The following RILPL2 variants were observed in gnomAD, a reference collection of about 807,000 sequenced individuals.
RILPL2 encodes RILP-like protein 2.
A neutral mutation model predicts 22.2 loss-of-function variants in RILPL2; 19 were observed. The observed-to-expected ratio is 0.86, with a 90% confidence interval of 0.60 to 1.25. The LOEUF is 1.25. RILPL2 is among the 50% of genes most tolerant of loss of function. RILPL2 has a pLI of 0.00. For missense variants in RILPL2, 243 were observed against 263.6 expected (o/e 0.92, Z 0.54); for synonymous variants, 123 against 111.6 (o/e 1.10, Z -0.64).
At chr12:123,431,084 T>C (rs1382340604) in intron 1 of RILPL2, among the ~76,000 whole-genome samples, 1 of 152,186 alleles carries the variant, frequency 6.6e-6, no homozygotes, top group African/African-American at 2.4e-5. Flanking sequence ...CTTCATGTGA[T>C]CCGCCTGCCT....
At chr12:123,416,498 G>C (rs1015503080) in intron 3 of RILPL2, among the ~76,000 whole-genome samples, 1 of 151,910 alleles carries the variant, frequency 6.6e-6, no homozygotes, top group African/African-American at 2.4e-5. Context: ...AATTAGCCGG[G>C]TGTGGTGGCG....
intron 2 of RILPL2, among the ~76,000 whole-genome samples, chr12:123,430,099 C>CA (rs59871132): frequency 0.81 from 15,167 of 18,778 alleles, 7,117 homozygotes; most frequent in Non-Finnish European, 0.87. Context: ...GTGAGACCCT[C>CA]AAAAAAAAAA....
chr12:123,430,633 C>T lies in RILPL2; in HGVS notation c.366G>A (p.Val122=). The change falls in exon 2 of 4, where the codon GTG becomes GTA. Residue 122 remains valine (V), a synonymous_variant. Transcript: ENST00000280571. ...GTCGGTTGGGATCTGTCAGGTCAAC[C>T]ACCATTTTGTTTGGGCCCAGGTTCA... The part of the protein sequence containing the change: ...GEVNLGPNKM[V]VDLTDPNRPR... 1 of 1,602,484 alleles carries T rather than the reference C, an allele frequency of 6.2e-7. No individual in the cohort carries two copies. The highest frequency in any genetic ancestry group is 2.3e-5 in the East Asian group (1 of 44,116).
intron 2 of RILPL2, among the ~76,000 whole-genome samples, chr12:123,426,853 C>T (rs1451549728): frequency 2.0e-5 from 3 of 151,302 alleles, no homozygotes; most frequent in Non-Finnish European, 2.9e-5. Flanking sequence ...CTGCCCACCT[C>T]GGCCTCCCAA....
chr12:123,417,134 A>T (rs1010701229), intron 3 of RILPL2, among the ~76,000 whole-genome samples: 1 of 151,896 alleles, frequency 6.6e-6, no homozygotes, highest in African/African-American at 2.4e-5. Context: ...CCCCATCTTT[A>T]CCAAAAATAC....
Position 123,436,437 on chromosome 12 carries a change from G to A in RILPL2, c.-17C>T, listed in dbSNP as rs1482573574. On this transcript the variant is annotated 5_prime_UTR_variant, in exon 1 of 4. Coordinates refer to ENST00000280571, the MANE Select transcript of RILPL2 (RefSeq NM_145058.3). This position sits in a 1 kb window ranked among gnomAD's most constrained non-coding sequence, Gnocchi z 6.7. The stretch of plus-strand genomic sequence containing the variant: ...CTCCTCCATGGCCACCCAGACCCCC[G>A]CCGACCTCGGAGCTGCTGTCTTGGA... 6.5e-7 allele frequency: 1 copy of A among 1,542,088 alleles called. No individual in the cohort carries two copies. The highest frequency in any genetic ancestry group is 8.7e-7 in the Non-Finnish European group (1 of 1,145,922).
Position 123,436,383 on chromosome 12 carries a change from T to A in RILPL2, c.38A>T (p.Glu13Val). The change falls in exon 1 of 4, where the codon GAG becomes GTG. Residue 13 changes from glutamate (E) to valine (V), a missense_variant. Transcript: ENST00000280571. The surrounding 1 kb of genome is among the most constrained non-coding windows in gnomAD (Gnocchi z 6.7). ...GTCCCTCTCCTCGTCCTCCTCTCCC[T>A]CCTCCTCTTCCTCTTCTCGCACAGG... ...EPPVREEEEE[E>V]GEEDEERDEV... 6.4e-7 allele frequency: 1 copy of A among 1,551,100 alleles called. No homozygotes were observed.
intron 2 of RILPL2, among the ~76,000 whole-genome samples, chr12:123,430,205 C>A (rs560102485): frequency 6.8e-6 from 1 of 146,864 alleles, no homozygotes; most frequent in Non-Finnish European, 1.5e-5. Flanking sequence ...GTCAGGAGAT[C>A]GAGACCATTC....
chr12:123,410,442 G>A (rs543851983), downstream of RILPL2, among the ~76,000 whole-genome samples: 2 of 152,226 alleles, frequency 1.3e-5, no homozygotes, highest in East Asian at 3.9e-4. Context: ...TGTGACATTG[G>A]TCAAGTCACT....
At chr12:123,423,833 TTA>T (rs1879360188) in intron 2 of RILPL2, among the ~76,000 whole-genome samples, 1 of 151,918 alleles carries the variant, frequency 6.6e-6, no homozygotes, top group Admixed American at 6.6e-5. Flanking sequence ...TTTTGTATTT[TTA>T]GTAGAGACAG....
chr12:123,427,151 C>A (rs1879464443), intron 2 of RILPL2, among the ~76,000 whole-genome samples: 1 of 152,130 alleles, frequency 6.6e-6, no homozygotes, highest in Non-Finnish European at 1.5e-5. Context: ...CTAGCCTGAG[C>A]TTCTCACTTG....
chr12:123,410,862 C>A (rs1372752010), downstream of RILPL2: 1 of 152,048 alleles, frequency 6.6e-6, no homozygotes, highest in African/African-American at 2.4e-5. Flanking sequence ...CCTCCAAGTT[C>A]TGATATGTAG....
At chr12:123,410,303 C>G (rs183748915), downstream of RILPL2, among the ~76,000 whole-genome samples, 10 of 152,292 alleles carry the variant, frequency 6.6e-5, no homozygotes, top group East Asian at 1.9e-3. Flanking sequence ...CTGGAAGTCC[C>G]TATTACCAGC....
chr12:123,409,728 T>C, the RILPL2 span, among the ~76,000 whole-genome samples: 1 of 27,386 alleles, frequency 3.7e-5, no homozygotes, highest in South Asian at 1.5e-3. Flanking sequence ...TTTTTTTTTT[T>C]TTTTTTTTTT....
chr12:123,430,308 C>CTGAGGCAGGAGAATGGCG (rs1879596283), intron 2 of RILPL2, among the ~76,000 whole-genome samples, 200 bp downstream of exon 2: 1 of 151,948 alleles, frequency 6.6e-6, no homozygotes, highest in South Asian at 2.1e-4. Flanking sequence ...ACTCGGGAGG[C>CTGAGGCAGGAGAATGGCG]TGAGGCAGGA....
intron 2 of RILPL2, among the ~76,000 whole-genome samples, chr12:123,430,008 T>C (rs1879570950): frequency 7.3e-6 from 1 of 136,930 alleles, no homozygotes; most frequent in Admixed American, 8.4e-5. Context: ...CTCAGCTACT[T>C]GGGTGGCTAA....
intron 2 of RILPL2, among the ~76,000 whole-genome samples, chr12:123,428,746 C>T (rs1879513986): frequency 6.6e-6 from 1 of 152,212 alleles, no homozygotes; most frequent in Non-Finnish European, 1.5e-5. Context: ...GTGCCCACCA[C>T]TCTGGTCCTC....
chr12:123,422,542 TC>T lies in RILPL2; in HGVS notation c.605+501del, dbSNP rs1053970443. On this transcript the variant is annotated intron_variant, in intron 3 of 3. Coordinates refer to ENST00000280571, the MANE Select transcript of RILPL2 (RefSeq NM_145058.3). ...AAACAAAAAACAAAACGATGTTTTT[TC>T]ATTGACATGGGGTCTCACTTTGTTG... 5.8e-4 allele frequency among the ~76,000 whole-genome samples: 89 copies of T among 152,264 alleles called. 1 individual carries two copies. The highest frequency in any genetic ancestry group is 1.9e-3 in the African/African-American group (80 of 41,564).
intron 3 of RILPL2, among the ~76,000 whole-genome samples, chr12:123,422,526 A>C (rs1879316538): frequency 6.6e-6 from 1 of 152,112 alleles, no homozygotes; most frequent in Non-Finnish European, 1.5e-5. Flanking sequence ...AAAACAAAAA[A>C]CAAAACGATG....
Sources: allele counts gnomAD v4.1 joint callset (sites outside exome capture counted in the v4.1 genomes callset), GRCh38; gene constraint gnomAD v4.1.1; non-coding constraint Gnocchi (gnomAD v3.1); transcripts MANE v1.5; gene names NCBI Gene and HGNC (gene_info 2026-07-23, HGNC 2026-07-21).